Variants in UGDH observed in about 807,000 individuals in gnomAD.
The protein encoded by UGDH is UDP-Glc dehydrogenase.
UGDH carries 38 observed loss-of-function variants against 50.6 expected under a neutral mutation model. The observed-to-expected ratio is 0.75, with a 90% CI of 0.58 to 0.98. The LOEUF is 0.98. UGDH is among the 50% of genes least tolerant of loss of function. The pLI, the probability that UGDH is intolerant of heterozygous loss-of-function variation, is 0.00. For synonymous variants in UGDH, 168 were observed against 199.9 expected (o/e 0.84, Z 1.35); for missense variants, 465 against 606.2 (o/e 0.77, Z 2.45).
chr4:39,513,229 T>C (rs752344370), intron 3 of UGDH, among the ~76,000 whole-genome samples: 4 of 152,160 alleles, frequency 2.6e-5, no homozygotes, highest in Non-Finnish European at 5.9e-5. Flanking sequence ...TTGCTTTGGT[T>C]CAAATAGTGG....
At chr4:39,512,092 A>T (rs950569148) in intron 3 of UGDH, among the ~76,000 whole-genome samples, 12 of 151,790 alleles carry the variant, frequency 7.9e-5, no homozygotes, top group Admixed American at 7.9e-4. Context: ...GTAACCTTGG[A>T]GAAGTGTGGC....
chr4:39,502,605 T>C (rs113625484), intron 11 of UGDH, among the ~76,000 whole-genome samples: 2 of 152,300 alleles, frequency 1.3e-5, no homozygotes, highest in African/African-American at 4.8e-5. Flanking sequence ...TATCCCCATA[T>C]ACATACTGCT....
At chr4:39,513,581 G>A (rs1443505210) in intron 3 of UGDH, among the ~76,000 whole-genome samples, 3 of 135,994 alleles carry the variant, frequency 2.2e-5, no homozygotes, top group East Asian at 4.3e-4. Context: ...TCTATCACCA[G>A]GCTGGAGTGC....
At chr4:39,510,980 T>G (rs1746224555) in intron 3 of UGDH, 119 bp from the exon 4 acceptor site, 2 of 852,056 alleles carry the variant, frequency 2.3e-6, no homozygotes, top group Non-Finnish European at 1.9e-6. Context: ...GATTTAATCC[T>G]CTGTTAGTTC....
At chr4:39,502,068 A>C (rs982357411) in intron 11 of UGDH, among the ~76,000 whole-genome samples, 6 of 152,202 alleles carry the variant, frequency 3.9e-5, no homozygotes, top group Non-Finnish European at 8.8e-5. Context: ...TCTCACTAGG[A>C]AAGTTAACTT....
In UGDH at chr4:39,503,863, G is replaced by A. The variant is rs1560685643; in HGVS notation, c.1374+12C>T. 1.9e-6 allele frequency: 3 copies of A among 1,610,554 alleles called. No individual in the cohort carries two copies. The highest frequency in any genetic ancestry group is 2.5e-6 in the Non-Finnish European group (3 of 1,177,922). On this transcript the variant is annotated intron_variant, in intron 11 of 11. Transcript: ENST00000316423. ...AACAAAAAGAAAAAAAACAATCCAGGATCATGATTACCTGGAAGCCAATGG... is the reference window on the plus strand; with the variant it reads ...AACAAAAAGAAAAAAAACAATCCAGAATCATGATTACCTGGAAGCCAATGG...
At position 39,509,835 on chromosome 4, in the gene UGDH, C is replaced by A; in HGVS notation, c.736G>T (p.Ala246Ser). Residue 246 changes from alanine to serine, a missense_variant, in exon 6 of 12, where the codon GCT becomes TCT. Ala to Ser is a moderately conservative substitution (Grantham distance 99, BLOSUM62 1). Transcript: ENST00000316423. ...GCTGTTGCTACCTCTTCTACATCAG[C>A]TCCTGTTGCTTCACACAGAGCACTT... ...SISALCEATGADVEEVATAIG... is the reference protein window; with the variant it reads ...SISALCEATGSDVEEVATAIG... 1 of 1,613,364 alleles carries A rather than the reference C, an allele frequency of 6.2e-7. No individual in the cohort carries two copies. The highest frequency in any genetic ancestry group is 8.5e-7 in the Non-Finnish European group (1 of 1,179,976).
intron 2 of UGDH, among the ~76,000 whole-genome samples, chr4:39,519,000 T>C (rs1248537880): frequency 1.3e-5 from 2 of 152,130 alleles, no homozygotes; most frequent in Non-Finnish European, 2.9e-5. Context: ...CACTGCAACC[T>C]CTGCCTCCCA....
Position 39,514,147 on chromosome 4 carries a change from T to C in UGDH, c.200A>G (p.Lys67Arg). The C allele has an allele frequency of 4.4e-6, 7 of 1,584,210 alleles. No homozygotes were observed. The highest frequency in any genetic ancestry group is 6.0e-6 in the Non-Finnish European group (7 of 1,173,140). Residue 67 changes from lysine to arginine, a missense_variant, in exon 3 of 12, where the codon AAA becomes AGA. Transcript: ENST00000316423. ...LKEVVESCRG[K>R]NLFFSTNIDD... ...AATATTGGTAGAAAAAAAAAGATTT[T>C]TTCCTCGACAGGATTCTACCACTTC...
Position 39,508,663 on chromosome 4 carries a change from G to A in UGDH, c.812-3C>T, listed in dbSNP as rs28555499. 2,507 of 1,582,366 alleles carry A rather than the reference G, an allele frequency of 1.6e-3. 31 individuals are homozygous for A. The African/African-American group carries it at 0.03, about 19-fold the overall frequency. On this transcript the variant is annotated splice_polypyrimidine_tract_variant and splice_region_variant and intron_variant, in intron 6 of 11. Transcript: ENST00000316423. Reference sequence around the variant, plus strand: ...TTGGAAACAGCTCCCACCAAACCCTGCAGAAAGAAAAAAATGAACAATATT... The same window carrying A: ...TTGGAAACAGCTCCCACCAAACCCTACAGAAAGAAAAAAATGAACAATATT...
At position 39,503,899 on chromosome 4, in the gene UGDH, A is replaced by G. The variant is rs1337445009; in HGVS notation, c.1350T>C (p.Asn450=). 2 of 1,614,216 alleles carry G rather than the reference A, an allele frequency of 1.2e-6. No homozygotes were observed. The highest frequency in any genetic ancestry group is 2.2e-5 in the East Asian group (1 of 44,886). ...DGRRVLDGLH[N]ELQTIGFQIE... is the part of the protein sequence containing the mutation. The stretch of plus-strand genomic sequence containing the variant: ...CCTGGAAGCCAATGGTTTGTAGTTC[A>G]TTGTGGAGCCCATCCAGGACACGCC... Residue 450 remains asparagine, a synonymous_variant, in exon 11 of 12, where the codon AAT becomes AAC. Coordinates refer to ENST00000316423, the MANE Select transcript of UGDH (RefSeq NM_003359.4).
At chr4:39,526,309 G>C (rs1392716694) in intron 1 of UGDH, 1 of 152,210 alleles carries the variant, frequency 6.6e-6, no homozygotes. Flanking sequence ...TCCAGTTATA[G>C]ATTTTGTTAG....
At position 39,514,129 on chromosome 4, in the gene UGDH, G is replaced by C. The variant is rs1446226540; in HGVS notation, c.218C>G (p.Thr73Ser). The C allele has an allele frequency of 6.3e-7, 1 of 1,581,504 alleles. No homozygotes were observed. Among genetic ancestry groups the C allele is most frequent in the Non-Finnish European group, 8.5e-7 (1 of 1,171,914 alleles). ...TTCTTTGATGGCATCATCAATATTG[G>C]TAGAAAAAAAAAGATTTTTTCCTCG... ...SCRGKNLFFSTNIDDAIKEAD... is the reference protein window; with the variant it reads ...SCRGKNLFFSSNIDDAIKEAD... Residue 73 changes from threonine (T) to serine (S), a missense_variant, in exon 3 of 12, where the codon ACC becomes AGC. By Grantham distance (58) the Thr-to-Ser change is moderately conservative (BLOSUM62 1). Transcript: ENST00000316423.
At position 39,524,863 on chromosome 4, in the gene UGDH, T is replaced by C. The variant is rs150642170; in HGVS notation, c.-8+2420A>G. Among the ~76,000 whole-genome samples the C allele has an allele frequency of 1.9e-3, 290 of 152,318 alleles. 1 individual carries two copies. The highest frequency in any genetic ancestry group is 6.7e-3 in the African/African-American group (278 of 41,574). On this transcript the variant is annotated intron_variant, in intron 1 of 11. Coordinates refer to ENST00000316423, the MANE Select transcript of UGDH (RefSeq NM_003359.4). The stretch of plus-strand genomic sequence containing the variant: ...TTCAGCATGTTTCCCCAGAGTTACT[T>C]CTTATCTGCCTTGATTGTGAGACCA...
chr4:39,504,789 A>C (rs1745965703), intron 9 of UGDH, among the ~76,000 whole-genome samples: 1 of 152,244 alleles, frequency 6.6e-6, no homozygotes, highest in South Asian at 2.1e-4. Flanking sequence ...TTTAAAACTT[A>C]TGAATTGTTT....
intron 11 of UGDH, among the ~76,000 whole-genome samples, chr4:39,500,874 G>C (rs1046641323): frequency 2.6e-5 from 4 of 151,904 alleles, no homozygotes; most frequent in African/African-American, 9.7e-5. Context: ...GGCTGGTCTC[G>C]AACTCCTGAC....
chr4:39,513,429 C>G (rs1432607732), intron 3 of UGDH, among the ~76,000 whole-genome samples: 1 of 150,782 alleles, frequency 6.6e-6, no homozygotes, highest in Non-Finnish European at 1.5e-5. Flanking sequence ...AACTGATTTT[C>G]TTCATCTCAC....
intron 3 of UGDH, among the ~76,000 whole-genome samples, chr4:39,513,095 A>C (rs540054996): frequency 6.6e-6 from 1 of 152,204 alleles, no homozygotes; most frequent in East Asian, 1.9e-4. Context: ...AGCATGAGCC[A>C]TCATGCCCAG....
At chr4:39,512,225 A>T (rs1364425161) in intron 3 of UGDH, among the ~76,000 whole-genome samples, 1 of 152,176 alleles carries the variant, frequency 6.6e-6, no homozygotes, top group African/African-American at 2.4e-5. Context: ...ACTTAAAGGG[A>T]ATAGGAATTA....
Sources: gnomAD v4.1 joint callset for allele counts (sites outside exome capture counted in the v4.1 genomes callset) on GRCh38, gnomAD v4.1.1 for gene constraint, MANE v1.5 for transcripts, NCBI Gene and HGNC (gene_info 2026-07-23, HGNC 2026-07-21) for gene names.